Variants in CNTN4 observed in about 807,000 individuals in gnomAD.
The protein encoded by CNTN4 is contactin-4.
Under a neutral mutation model 122.5 loss-of-function variants are expected in CNTN4, and 77 were observed. That is an observed-to-expected ratio of 0.63 (90% CI 0.52 to 0.76). CNTN4 has a LOEUF of 0.76. CNTN4 is among the 30% of genes least tolerant of loss of function. The pLI is 0.00. For synonymous variants in CNTN4, 512 were observed against 447.0 expected (o/e 1.15, Z -1.83); for missense variants, 1,256 against 1,259.1 (o/e 1.00, Z 0.04).
chr3:2,383,129 A>AT (rs2046094534), intron 3 of CNTN4, among the ~76,000 whole-genome samples: 1 of 152,114 alleles, frequency 6.6e-6, no homozygotes, highest in Non-Finnish European at 1.5e-5. Flanking sequence ...GGACCTTAAT[A>AT]TGTCTGACAT....
chr3:2,745,119 T>C (rs2149550054), intron 5 of CNTN4, among the ~76,000 whole-genome samples: 1 of 152,336 alleles, frequency 6.6e-6, no homozygotes, highest in Admixed American at 6.5e-5. Flanking sequence ...CTGGAAATAG[T>C]ATATGCTGTC....
chr3:2,412,141 T>A (rs867303433), intron 3 of CNTN4, among the ~76,000 whole-genome samples: 4 of 152,352 alleles, frequency 2.6e-5, no homozygotes, highest in African/African-American at 7.2e-5. Context: ...TTGTATTCCA[T>A]GTATCAGGAG....
intron 4 of CNTN4, among the ~76,000 whole-genome samples, chr3:2,710,222 C>T (rs1292075762): frequency 2.6e-5 from 4 of 152,080 alleles, no homozygotes; most frequent in African/African-American, 9.7e-5. Flanking sequence ...GTTTTGCAGG[C>T]CTCAGAAAAC....
chr3:2,603,051 T>C (rs2081113864), intron 4 of CNTN4, among the ~76,000 whole-genome samples: 1 of 152,192 alleles, frequency 6.6e-6, no homozygotes, highest in African/African-American at 2.4e-5. Flanking sequence ...TGTAATTTGT[T>C]GTTAAGATAT....
intron 2 of CNTN4, among the ~76,000 whole-genome samples, chr3:2,136,126 C>A (rs1239201773): frequency 1.3e-5 from 2 of 152,242 alleles, no homozygotes; most frequent in Non-Finnish European, 2.9e-5. Context: ...CTTTTCTTTC[C>A]TTACTTTTGT....
chr3:2,637,211 G>A lies in CNTN4; in HGVS notation c.55+65653G>A, dbSNP rs182367152. On this transcript the variant is annotated intron_variant, in intron 4 of 24. Transcript: ENST00000418658. Reference sequence around the variant, plus strand: ...CCTGCTTTGGCTTTTCAAAGTGCTAGGATTACAGTCCTGAGCCACCGTACC... The same window carrying A: ...CCTGCTTTGGCTTTTCAAAGTGCTAAGATTACAGTCCTGAGCCACCGTACC... Among the ~76,000 whole-genome samples, 377 of 152,064 alleles carry A rather than the reference G, an allele frequency of 2.5e-3. 1 individual carries two copies. Among genetic ancestry groups the A allele is most frequent in the African/African-American group, 8.6e-3 (357 of 41,482 alleles).
At chr3:2,919,824 G>A (rs77295333) in intron 12 of CNTN4, among the ~76,000 whole-genome samples, 2,999 of 152,216 alleles carry the variant, frequency 0.02, 85 homozygotes, top group African/African-American at 0.068. Flanking sequence ...AGCAGCTGAA[G>A]CCCTACTTAA....
chr3:3,038,039 C>T (rs975130744), intron 18 of CNTN4, among the ~76,000 whole-genome samples: 21 of 152,132 alleles, frequency 1.4e-4, no homozygotes, highest in African/African-American at 4.8e-4. Flanking sequence ...AATAAGGTCC[C>T]TACACAAATA....
At chr3:2,197,461 G>C (rs139389690) in intron 2 of CNTN4, among the ~76,000 whole-genome samples, 1 of 152,198 alleles carries the variant, frequency 6.6e-6, no homozygotes, top group African/African-American at 2.4e-5. Flanking sequence ...ATAGTTCAGT[G>C]CCTTAATGCA....
At chr3:2,138,023 G>C (rs892693466) in intron 2 of CNTN4, among the ~76,000 whole-genome samples, 2 of 151,832 alleles carry the variant, frequency 1.3e-5, no homozygotes, top group African/African-American at 4.8e-5. Flanking sequence ...GGCTCTTTCA[G>C]CTTCTAGCTG....
At chr3:2,114,489 G>C (rs907093430) in intron 2 of CNTN4, among the ~76,000 whole-genome samples, 1 of 151,992 alleles carries the variant, frequency 6.6e-6, no homozygotes, top group Non-Finnish European at 1.5e-5. Context: ...TTAAGAAAGA[G>C]GGTATAGTAT....
At chr3:2,513,778 C>T (rs1020962636) in intron 3 of CNTN4, among the ~76,000 whole-genome samples, 1 of 152,086 alleles carries the variant, frequency 6.6e-6, no homozygotes, top group African/African-American at 2.4e-5. Context: ...TTTGCTTAAT[C>T]TGCAGGAAAG....
At chr3:2,872,847 T>C (rs1446279507) in intron 8 of CNTN4, among the ~76,000 whole-genome samples, 1 of 152,170 alleles carries the variant, frequency 6.6e-6, no homozygotes, top group African/African-American at 2.4e-5. Context: ...TATACTTCAG[T>C]ATAAAATTAA....
intron 23 of CNTN4, among the ~76,000 whole-genome samples, chr3:3,052,734 C>T (rs1037916821): frequency 6.6e-6 from 1 of 152,178 alleles, no homozygotes; most frequent in African/African-American, 2.4e-5. Context: ...AAGATGAAAA[C>T]AGGACTGTTG....
intron 4 of CNTN4, among the ~76,000 whole-genome samples, chr3:2,668,876 T>G (rs2084330456): frequency 6.6e-6 from 1 of 152,246 alleles, no homozygotes; most frequent in African/African-American, 2.4e-5. Flanking sequence ...TGGTTCTGTT[T>G]ATATGCTGGA....
chr3:2,558,393 C>A (rs2078811135), intron 3 of CNTN4, among the ~76,000 whole-genome samples: 1 of 152,168 alleles, frequency 6.6e-6, no homozygotes, highest in Non-Finnish European at 1.5e-5. Context: ...TGAGCCTTCG[C>A]CTGCCTTTTG....
At chr3:2,299,775 T>C (rs928108107) in intron 2 of CNTN4, among the ~76,000 whole-genome samples, 2 of 152,182 alleles carry the variant, frequency 1.3e-5, no homozygotes, top group African/African-American at 4.8e-5. Context: ...ATCAGTGTTA[T>C]ATTCTCCTCA....
chr3:3,046,386 A>C (rs1161876824), intron 23 of CNTN4, among the ~76,000 whole-genome samples: 4 of 152,208 alleles, frequency 2.6e-5, no homozygotes, highest in African/African-American at 9.7e-5. Flanking sequence ...GAGAAAGGTC[A>C]GGTTACCCAC....
intron 2 of CNTN4, among the ~76,000 whole-genome samples, chr3:2,277,538 C>A (rs1282262190): frequency 6.6e-6 from 1 of 152,092 alleles, no homozygotes; most frequent in Non-Finnish European, 1.5e-5. Context: ...TCTGGTCTCC[C>A]CCTCTTGCCA....
Sources: allele counts gnomAD v4.1 joint callset (sites outside exome capture counted in the v4.1 genomes callset), GRCh38; gene constraint gnomAD v4.1.1; transcripts MANE v1.5; gene names NCBI Gene and HGNC (gene_info 2026-07-23, HGNC 2026-07-21).